Variants in PLCG2 observed in about 807,000 individuals in gnomAD.
PLCG2 encodes 1-phosphatidylinositol 4,5-bisphosphate phosphodiesterase gamma-2.
Under a neutral mutation model 175.6 loss-of-function variants are expected in PLCG2, and 69 were observed. That is an observed-to-expected ratio of 0.39 (90% CI 0.32 to 0.48). PLCG2 has a LOEUF of 0.48. PLCG2 is among the 20% of genes least tolerant of loss of function. The pLI is 0.91. For missense variants in PLCG2, 1,798 were observed against 1,650.9 expected (o/e 1.09, Z -1.54); for synonymous variants, 827 against 624.0 (o/e 1.33, Z -4.85).
chr16:81,803,400 T>G (rs887266659), intron 2 of PLCG2, among the ~76,000 whole-genome samples: 4 of 152,182 alleles, frequency 2.6e-5, no homozygotes, highest in Non-Finnish European at 5.9e-5. Flanking sequence ...AACACTTCAT[T>G]CCTTTTTAAG....
At chr16:81,876,026 T>C (rs1448638872) in intron 7 of PLCG2, among the ~76,000 whole-genome samples, 3 of 145,182 alleles carry the variant, frequency 2.1e-5, no homozygotes, top group African/African-American at 7.5e-5. Context: ...CTTTTTTTTT[T>C]TTTTTTTTTT....
At position 81,961,215 on chromosome 16, in the gene PLCG2, T is replaced by A. The variant is rs1258982476; in HGVS notation, c.*3217T>A. The A allele has an allele frequency of 4.4e-6, 1 of 226,572 alleles. No individual in the cohort carries two copies. The highest frequency in any genetic ancestry group is 8.8e-6 in the Non-Finnish European group (1 of 114,088). 14.0% of individuals were successfully genotyped at this position (226,572 alleles called of 1,614,324 possible). A position where few individuals can be genotyped will look rare whatever the true frequency, so the allele number is the denominator to read the frequency against. On this transcript the variant is annotated 3_prime_UTR_variant, in exon 33 of 33. Coordinates refer to ENST00000564138, the MANE Select transcript of PLCG2 (RefSeq NM_002661.5). ...GATTCTGCTATCATAAAGCTTCCGT[T>A]CCCATTGATGTATCTGTGTGAACAA... is the stretch of plus-strand genomic sequence containing the variant.
Position 81,797,767 on chromosome 16 carries a change from G to A in PLCG2, c.193+11585G>A, listed in dbSNP as rs149707247. Reference sequence around the variant, plus strand: ...CACCGTGGTTCCACTCGTGGTCCTGGCACTTAGTGACTGTGTGACCTTAGG... The same window carrying A: ...CACCGTGGTTCCACTCGTGGTCCTGACACTTAGTGACTGTGTGACCTTAGG... On this transcript the variant is annotated intron_variant, in intron 2 of 32. Coordinates refer to ENST00000564138, the MANE Select transcript of PLCG2 (RefSeq NM_002661.5). Among the ~76,000 whole-genome samples the A allele has an allele frequency of 7.5e-3, 1,148 of 152,124 alleles. 4 individuals are homozygous for A. The highest frequency in any genetic ancestry group is 0.014 in the Middle Eastern group (4 of 292).
At chr16:81,924,722 A>T (rs958385753) in intron 22 of PLCG2, among the ~76,000 whole-genome samples, 5 of 152,274 alleles carry the variant, frequency 3.3e-5, no homozygotes, top group Non-Finnish European at 5.9e-5. Flanking sequence ...ACAGAATCAA[A>T]GATGCAGCCG....
chr16:81,916,886 C>T (rs577334877), intron 19 of PLCG2, among the ~76,000 whole-genome samples: 5 of 152,188 alleles, frequency 3.3e-5, no homozygotes, highest in Admixed American at 2.6e-4. Context: ...GATCCACCCT[C>T]CTTGGCCTCC....
intron 2 of PLCG2, among the ~76,000 whole-genome samples, chr16:81,758,007 G>A (rs1018576058): frequency 2.6e-5 from 4 of 152,062 alleles, no homozygotes; most frequent in African/African-American, 9.7e-5. Context: ...GCACTGTCTC[G>A]ATCTGTCACC....
chr16:81,867,457 A>T (rs1425159553), intron 5 of PLCG2, among the ~76,000 whole-genome samples: 1 of 152,188 alleles, frequency 6.6e-6, no homozygotes, highest in Non-Finnish European at 1.5e-5. Flanking sequence ...GTTTGAGGCT[A>T]GCACAGATAA....
rs913240011 is a variant in PLCG2, at chr16:81,962,658, T to C, written c.*4660T>C. 9.1e-6 allele frequency: 2 copies of C among 219,060 alleles called. No homozygotes were observed. Among genetic ancestry groups the C allele is most frequent in the African/African-American group, 4.5e-5 (2 of 44,592 alleles). The allele number at this position is 219,060 out of a possible 1,614,324, so 13.6% of individuals were successfully genotyped here. ...AAAATTAAACAGCTGTATCACATTTTGAAAAATAAAAGTTTCATCTGAATG... is the reference window on the plus strand; with the variant it reads ...AAAATTAAACAGCTGTATCACATTTCGAAAAATAAAAGTTTCATCTGAATG... On this transcript the variant is annotated 3_prime_UTR_variant, in exon 33 of 33. Transcript: ENST00000564138.
At chr16:81,763,754 G>T (rs572567850) in intron 2 of PLCG2, among the ~76,000 whole-genome samples, 1 of 150,008 alleles carries the variant, frequency 6.7e-6, no homozygotes, top group South Asian at 2.1e-4. Context: ...ATCACCTGAG[G>T]TCTGGAGTTC....
chr16:81,862,239 C>T lies in PLCG2; in HGVS notation c.479+3076C>T, dbSNP rs1308446586. On this transcript the variant is annotated intron_variant, in intron 5 of 32. Transcript: ENST00000564138. Reference sequence around the variant, plus strand: ...CGAGAGGGGGCAGGCTCAGGGCTGGCCCAGCCCGGGCAATGGACAAGTCTT... The same window carrying T: ...CGAGAGGGGGCAGGCTCAGGGCTGGTCCAGCCCGGGCAATGGACAAGTCTT... Among the ~76,000 whole-genome samples, 3 of 152,252 alleles carry T rather than the reference C, an allele frequency of 2.0e-5. No individual in the cohort carries two copies. In the East Asian group the frequency reaches 5.8e-4, roughly 29 times the overall value.
intron 2 of PLCG2, among the ~76,000 whole-genome samples, chr16:81,834,999 G>T (rs1004742595): frequency 3.3e-5 from 5 of 152,192 alleles, no homozygotes; most frequent in African/African-American, 7.2e-5. Flanking sequence ...AAGGCCCATT[G>T]CCCACCTCCT....
At chr16:81,797,015 C>T (rs527704458) in intron 2 of PLCG2, among the ~76,000 whole-genome samples, 30 of 152,314 alleles carry the variant, frequency 2.0e-4, no homozygotes, top group African/African-American at 5.8e-4. Flanking sequence ...TTTGTCATAA[C>T]GGAATTTAAG....
At chr16:81,859,224 AC>A (rs781352684) in intron 5 of PLCG2, 61 bp downstream of exon 5, 50 of 1,106,106 alleles carry the variant, frequency 4.5e-5, no homozygotes, top group Non-Finnish European at 7.0e-5. Flanking sequence ...CTATCTTTAA[AC>A]CTTCCAAGGG....
chr16:81,921,643 C>T, intron 21 of PLCG2: 1 of 320,590 alleles, frequency 3.1e-6, no homozygotes, highest in South Asian at 2.7e-5. Context: ...ATCTCATATT[C>T]CCACCCTGAC....
chr16:81,775,683 C>G (rs537771999), upstream of PLCG2, among the ~76,000 whole-genome samples: 50 of 152,278 alleles, frequency 3.3e-4, no homozygotes, highest in East Asian at 9.3e-3. Context: ...TGCCCAAGGA[C>G]TGGTGAGCAA....
intron 2 of PLCG2, among the ~76,000 whole-genome samples, chr16:81,807,231 A>G (rs560462880): frequency 1.3e-5 from 2 of 152,206 alleles, no homozygotes; most frequent in African/African-American, 4.8e-5. Context: ...TCCTCCTCCT[A>G]CATCAGGAGA....
At chr16:81,854,650 G>A (rs762660574) in intron 3 of PLCG2, 63 bp downstream of exon 3, 29 of 1,467,808 alleles carry the variant, frequency 2.0e-5, no homozygotes, top group Non-Finnish European at 2.7e-5. Context: ...GAAGAAGTTC[G>A]CTAATAGCAG....
intron 31 of PLCG2, among the ~76,000 whole-genome samples, chr16:81,950,226 G>C (rs1911312969): frequency 6.6e-6 from 1 of 152,080 alleles, no homozygotes; most frequent in South Asian, 2.1e-4. Context: ...CTAAAGGCAA[G>C]GTAAATAAAA....
chr16:81,818,943 A>G (rs1303464723), intron 2 of PLCG2, among the ~76,000 whole-genome samples: 1 of 146,298 alleles, frequency 6.8e-6, no homozygotes, highest in African/African-American at 2.6e-5. Flanking sequence ...AAAAATAAAT[A>G]CAGCTTTTTA....
Sources: allele counts gnomAD v4.1 joint callset (sites outside exome capture counted in the v4.1 genomes callset), GRCh38; gene constraint gnomAD v4.1.1; transcripts MANE v1.5; gene names NCBI Gene and HGNC (gene_info 2026-07-23, HGNC 2026-07-21).